MCM9: variants seen among roughly 807,000 people sequenced by gnomAD.
The protein encoded by MCM9 is minichromosome maintenance 9 homologous recombination repair factor.
Under a neutral mutation model 72.8 loss-of-function variants are expected in MCM9, and 55 were observed. The observed-to-expected ratio is 0.76, with a 90% CI of 0.61 to 0.95. The LOEUF (loss-of-function observed/expected upper bound fraction) is 0.95. Ranked by LOEUF, MCM9 falls within the 40% of genes least tolerant of loss-of-function variation. MCM9 has a pLI of 0.00. For missense variants in MCM9, 1,279 were observed against 1,377.0 expected, an observed-to-expected ratio of 0.93 and a Z score of 1.13; for synonymous variants, 480 against 503.4, an observed-to-expected ratio of 0.95 and a Z score of 0.62.
chr6:118,927,100 CT>C (rs1225046008), intron 3 of MCM9, among the ~76,000 whole-genome samples: 6 of 152,160 alleles, frequency 3.9e-5, no homozygotes, highest in African/African-American at 1.4e-4. Context: ...AGAAATATCA[CT>C]TTTGCCTCCC....
chr6:118,860,993 T>G (rs993741283), intron 8 of MCM9, among the ~76,000 whole-genome samples: 1 of 152,186 alleles, frequency 6.6e-6, no homozygotes, highest in African/African-American at 2.4e-5. Flanking sequence ...CCCAGCAGGC[T>G]GCGCTTGGCT....
At chr6:118,861,177 C>A (rs1376596097) in intron 8 of MCM9, among the ~76,000 whole-genome samples, 2 of 152,194 alleles carry the variant, frequency 1.3e-5, no homozygotes, top group African/African-American at 4.8e-5. Flanking sequence ...GCAGCTGGAC[C>A]AGACGTACCA....
intron 11 of MCM9, 64 bp from the exon 12 acceptor site, chr6:118,826,928 T>C (rs1274225841): frequency 1.4e-5 from 17 of 1,248,770 alleles, no homozygotes; most frequent in Non-Finnish European, 1.9e-5. Flanking sequence ...ATTCTCTAAC[T>C]TCCTCCTCCT....
chr6:118,913,731 T>C (rs780515042), intron 6 of MCM9, among the ~76,000 whole-genome samples: 3 of 151,934 alleles, frequency 2.0e-5, no homozygotes, highest in Non-Finnish European at 4.4e-5. Flanking sequence ...TCCTGAGTAG[T>C]TGGGACAGCA....
chr6:118,894,277 A>G (rs1779185180), intron 8 of MCM9: 21 of 1,463,738 alleles, frequency 1.4e-5, no homozygotes, highest in Non-Finnish European at 1.6e-5. Flanking sequence ...AAAGAGGAAA[A>G]AAGTTTCTCA....
chr6:118,902,443 C>T (rs6930200), intron 8 of MCM9, among the ~76,000 whole-genome samples: 1,577 of 151,906 alleles, frequency 0.01, 29 homozygotes, highest in African/African-American at 0.036. Context: ...AGGACTTGCT[C>T]TGACCCACAG....
At position 118,902,305 on chromosome 6, in the gene MCM9, T is replaced by C. The variant is rs181116515; in HGVS notation, c.1150+9345A>G. The stretch of plus-strand genomic sequence containing the variant: ...AGTCTTCTATAAAATGTGGATAATA[T>C]TCTATCTCATTAAAATGTTATGGGG... On this transcript the variant is annotated intron_variant, in intron 8 of 13. Coordinates refer to ENST00000619706, the MANE Select transcript of MCM9 (RefSeq NM_017696.3). 1.1e-4 allele frequency among the ~76,000 whole-genome samples: 16 copies of C among 152,226 alleles called. No homozygotes were observed. In the South Asian group the frequency reaches 3.3e-3, roughly 32 times the overall value.
At chr6:118,861,698 T>A (rs1776916166) in intron 8 of MCM9, among the ~76,000 whole-genome samples, 1 of 152,258 alleles carries the variant, frequency 6.6e-6, no homozygotes, top group South Asian at 2.1e-4. Flanking sequence ...GGGGTTTTTG[T>A]GGGCTCAGAA....
chr6:118,877,345 G>A (rs148996963), intron 8 of MCM9, among the ~76,000 whole-genome samples: 1,584 of 152,242 alleles, frequency 0.01, 30 homozygotes, highest in African/African-American at 0.036. Context: ...ACCTAGCCAA[G>A]ACCACTAAGA....
At chr6:118,816,338 G>T (rs1464677376) in intron 13 of MCM9, 44 bp from the exon 14 acceptor site, 1 of 1,446,548 alleles carries the variant, frequency 6.9e-7, no homozygotes, top group South Asian at 1.5e-5. Context: ...GAAGGGAAGA[G>T]AATTTGTGCT....
intron 8 of MCM9, chr6:118,893,956 G>T: frequency 1.1e-6 from 1 of 948,960 alleles, no homozygotes; most frequent in Non-Finnish European, 1.3e-6. Context: ...CCGCGGCCAC[G>T]CCCCCTCCGC....
At chr6:118,820,279 G>A (rs577166611) in intron 13 of MCM9, among the ~76,000 whole-genome samples, 21 of 152,142 alleles carry the variant, frequency 1.4e-4, no homozygotes, top group African/African-American at 5.1e-4. Context: ...ATTTCCCTCT[G>A]AACACTGCTT....
intron 3 of MCM9, among the ~76,000 whole-genome samples, chr6:118,927,233 T>C (rs977375704): frequency 4.6e-5 from 7 of 152,264 alleles, no homozygotes; most frequent in Non-Finnish European, 8.8e-5. Context: ...ACAGAAAATG[T>C]GGTGTTACTC....
At chr6:118,929,379 C>T (rs1165557859) in intron 3 of MCM9, among the ~76,000 whole-genome samples, 2 of 152,272 alleles carry the variant, frequency 1.3e-5, no homozygotes, top group East Asian at 1.9e-4. Context: ...TGCCATACAG[C>T]CCTGAGTTTT....
chr6:118,894,044 T>A, intron 8 of MCM9: 1 of 1,041,000 alleles, frequency 9.6e-7, no homozygotes, highest in Non-Finnish European at 1.2e-6. Context: ...TCCGCCTTTG[T>A]CCTAATCCAC....
intron 7 of MCM9, 150 bp downstream of exon 7, chr6:118,913,145 G>A: frequency 1.2e-6 from 1 of 845,758 alleles, no homozygotes; most frequent in Non-Finnish European, 1.8e-6. Flanking sequence ...ACAGATGCTA[G>A]ACTAAGTATA....
rs535349544 is a variant in MCM9 at position 118,851,309 on chromosome 6, C to G, written c.1325+5062G>C. ...TAAGATCAGAGGAGACCATAAGAAC[C>G]CAAGCTCTGTTACTATAAGGTAATT... On this transcript the variant is annotated intron_variant, in intron 9 of 13. Coordinates refer to ENST00000619706, the MANE Select transcript of MCM9 (RefSeq NM_017696.3). Among the ~76,000 whole-genome samples the G allele has an allele frequency of 5.3e-5, 8 of 151,718 alleles. No homozygotes were observed. The South Asian group carries it at 1.7e-3, about 32-fold the overall frequency.
intron 8 of MCM9, chr6:118,894,246 G>A (rs1779181055): frequency 2.8e-6 from 4 of 1,447,394 alleles, no homozygotes; most frequent in South Asian, 1.5e-5. Context: ...AAAACACTGT[G>A]GAGTGCTCCC....
At chr6:118,894,219 T>C (rs1779178156) in intron 8 of MCM9, 1 of 1,410,360 alleles carries the variant, frequency 7.1e-7, no homozygotes, top group Middle Eastern at 2.6e-4. Flanking sequence ...TGTAGTTTAG[T>C]GAAATAGGAA....
Sources: allele counts gnomAD v4.1 joint callset (sites outside exome capture counted in the v4.1 genomes callset), GRCh38; gene constraint gnomAD v4.1.1; transcripts MANE v1.5; gene names NCBI Gene and HGNC (gene_info 2026-07-23, HGNC 2026-07-21).